ARB2A: variants seen among roughly 807,000 people sequenced by gnomAD.
The protein encoded by ARB2A is cotranscriptional regulator ARB2A.
the ARB2A span, among the ~76,000 whole-genome samples, chr5:93,748,433 G>A: frequency 6.6e-6 from 1 of 152,012 alleles, no homozygotes; most frequent in Admixed American, 6.5e-5. Flanking sequence ...CCTATGATAA[G>A]ATATGACTAG....
chr5:93,914,566 G>C, the ARB2A span, among the ~76,000 whole-genome samples: 223 of 151,922 alleles, frequency 1.5e-3, 1 homozygote, highest in South Asian at 5.6e-3. Context: ...TCTAAGTAAA[G>C]CACTTAAATA....
chr5:93,721,579 T>C, the ARB2A span, among the ~76,000 whole-genome samples: 1 of 152,204 alleles, frequency 6.6e-6, no homozygotes, highest in Non-Finnish European at 1.5e-5. Context: ...CATGAATAAT[T>C]ATTTGGGTTT....
chr5:93,689,942 G>A, the ARB2A span, among the ~76,000 whole-genome samples: 1 of 152,244 alleles, frequency 6.6e-6, no homozygotes, highest in East Asian at 1.9e-4. Flanking sequence ...CATCTGGGAA[G>A]CCCAAGGGGT....
At chr5:93,917,405 A>AATT in the ARB2A span, among the ~76,000 whole-genome samples, 19 of 152,312 alleles carry the variant, frequency 1.2e-4, no homozygotes, top group East Asian at 3.3e-3. Context: ...AAGCCAGATC[A>AATT]ATTTATCCCA....
the ARB2A span, among the ~76,000 whole-genome samples, chr5:93,640,569 T>C: frequency 6.7e-6 from 1 of 149,534 alleles, no homozygotes. Flanking sequence ...TGTGTGTGTG[T>C]GTGTATGTGT....
At chr5:93,831,891 G>GTA in the ARB2A span, among the ~76,000 whole-genome samples, 2 of 152,124 alleles carry the variant, frequency 1.3e-5, no homozygotes, top group South Asian at 4.1e-4. Context: ...AATGTCTTCA[G>GTA]CTTGACTAAG....
At chr5:93,765,260 T>G in the ARB2A span, among the ~76,000 whole-genome samples, 2 of 152,230 alleles carry the variant, frequency 1.3e-5, no homozygotes, top group Non-Finnish European at 1.5e-5. Context: ...AAATTGTCCC[T>G]GTTTGCAGAC....
chr5:94,000,926 C>T, the ARB2A span, among the ~76,000 whole-genome samples: 4 of 152,056 alleles, frequency 2.6e-5, no homozygotes, highest in African/African-American at 9.7e-5. Context: ...CACTGTATTG[C>T]CATTGATCCT....
the ARB2A span, among the ~76,000 whole-genome samples, chr5:93,813,454 G>C: frequency 6.6e-6 from 1 of 152,182 alleles, no homozygotes; most frequent in African/African-American, 2.4e-5. Flanking sequence ...AAAAAGGATA[G>C]AGAGCTTATA....
the ARB2A span, among the ~76,000 whole-genome samples, chr5:93,698,901 G>C: frequency 6.6e-6 from 1 of 152,160 alleles, no homozygotes; most frequent in East Asian, 1.9e-4. Flanking sequence ...GGGTCATGCA[G>C]GGTGCCATGG....
chr5:93,829,529 T>C, the ARB2A span, among the ~76,000 whole-genome samples: 1 of 152,204 alleles, frequency 6.6e-6, no homozygotes, highest in Non-Finnish European at 1.5e-5. Flanking sequence ...AGCTGTATTG[T>C]AATTACTAGT....
the ARB2A span, chr5:94,074,498 G>C: frequency 1.7e-6 from 1 of 571,836 alleles, no homozygotes; most frequent in Non-Finnish European, 3.0e-6. Flanking sequence ...TGCAGTAATA[G>C]TTGCTGTGAG....
chr5:94,066,239 A>G, the ARB2A span, among the ~76,000 whole-genome samples: 3 of 152,238 alleles, frequency 2.0e-5, no homozygotes, highest in Non-Finnish European at 4.4e-5. Context: ...TACATCAAAA[A>G]AGTAGAAAGA....
chr5:93,812,295 T>A, the ARB2A span, among the ~76,000 whole-genome samples: 1 of 152,084 alleles, frequency 6.6e-6, no homozygotes, highest in South Asian at 2.1e-4. Flanking sequence ...GAACAGGATT[T>A]TTTTCCTGAG....
chr5:93,766,009 A>C, the ARB2A span, among the ~76,000 whole-genome samples: 6 of 152,146 alleles, frequency 3.9e-5, no homozygotes, highest in South Asian at 4.1e-4. Context: ...AATTGGATCC[A>C]TTCCTTACAC....
the ARB2A span, among the ~76,000 whole-genome samples, chr5:93,835,103 C>T: frequency 6.6e-6 from 1 of 152,160 alleles, no homozygotes; most frequent in Admixed American, 6.5e-5. Flanking sequence ...AATTCTGCTA[C>T]ATTCAGAATA....
At chr5:93,734,852 C>T in the ARB2A span, 1 of 151,700 alleles carries the variant, frequency 6.6e-6, no homozygotes, top group Non-Finnish European at 1.5e-5. Flanking sequence ...ACTTTGTTGC[C>T]CAGGCTGCGA....
chr5:93,967,311 G>A, the ARB2A span, among the ~76,000 whole-genome samples: 2 of 152,092 alleles, frequency 1.3e-5, no homozygotes, highest in African/African-American at 2.4e-5. Flanking sequence ...CCGTTGTCTG[G>A]TCTGATGTAT....
the ARB2A span, among the ~76,000 whole-genome samples, chr5:94,055,128 CATTTAAAAATGACACAAAAA>C: frequency 6.6e-6 from 1 of 152,164 alleles, no homozygotes; most frequent in East Asian, 1.9e-4. Context: ...ATCACAGAGT[CATTTAAAAATGACACAAAAA>C]ATTTAAAACT....
Sources: allele counts gnomAD v4.1 joint callset (sites outside exome capture counted in the v4.1 genomes callset), GRCh38; gene constraint gnomAD v4.1.1; transcripts MANE v1.5; gene names NCBI Gene and HGNC (gene_info 2026-07-23, HGNC 2026-07-21).